MALT1: variants seen among roughly 807,000 people sequenced by gnomAD.
MALT1 encodes the protein MALT1 paracaspase, also known as mucosa-associated lymphoid tissue lymphoma translocation protein 1.
In MALT1, 36 loss-of-function variants were observed where a neutral mutation model predicts 85.5. That is an observed-to-expected ratio of 0.42 (90% CI 0.32 to 0.56). The LOEUF (loss-of-function observed/expected upper bound fraction) is 0.56. MALT1 is among the 20% of genes least tolerant of loss of function. MALT1 has a pLI of 0.10. For missense variants in MALT1, 716 were observed against 981.6 expected, an observed-to-expected ratio of 0.73 and a Z score of 3.62; for synonymous variants, 359 against 361.3, an observed-to-expected ratio of 0.99 and a Z score of 0.07.
intron 16 of MALT1, among the ~76,000 whole-genome samples, chr18:58,746,320 C>T (rs567964493): frequency 6.6e-6 from 1 of 152,304 alleles, no homozygotes; most frequent in East Asian, 1.9e-4. Flanking sequence ...CTCCCAGCTC[C>T]ATATTCTACT....
intron 2 of MALT1, chr18:58,690,513 G>T (rs78625980): frequency 0.016 from 2,693 of 172,978 alleles, 45 homozygotes; most frequent in South Asian, 0.062. Flanking sequence ...GAGATCCCTG[G>T]ACCGGAGCCC....
chr18:58,686,706 G>A (rs1030765738), intron 2 of MALT1, among the ~76,000 whole-genome samples: 4 of 151,856 alleles, frequency 2.6e-5, no homozygotes, highest in Non-Finnish European at 4.4e-5. Context: ...TCTCAGATCC[G>A]TTGTAACATA....
At chr18:58,721,344 C>T (rs1009170321) in intron 9 of MALT1, among the ~76,000 whole-genome samples, 1 of 152,192 alleles carries the variant, frequency 6.6e-6, no homozygotes, top group Admixed American at 6.5e-5. Flanking sequence ...CATGCCATTG[C>T]ACTCCAGCCT....
rs1405642569 is a variant in MALT1 at position 58,747,779 on chromosome 18, A to G, written c.2412A>G (p.Pro804=). 5 of 1,614,186 alleles carry G rather than the reference A, an allele frequency of 3.1e-6. No individual in the cohort carries two copies. Among genetic ancestry groups the G allele is most frequent in the Non-Finnish European group, 4.2e-6 (5 of 1,179,984 alleles). The change falls in exon 17 of 17, where the codon CCA becomes CCG. Residue 804 remains proline (P), a synonymous_variant. Coordinates refer to ENST00000649217, the MANE Select transcript of MALT1 (RefSeq NM_006785.4). ...GTCATTTTAGTAGAAGTAATGTGCC[A>G]GTAGAGACAACTGATGAAATACCAT... ...ASCHFSRSNV[P]VETTDEIPFS...
chr18:58,699,868 C>G (rs1460205328), intron 3 of MALT1, among the ~76,000 whole-genome samples: 1 of 152,228 alleles, frequency 6.6e-6, no homozygotes. Flanking sequence ...GTCTTACTGT[C>G]TCATTGATAT....
chr18:58,747,962 T>C lies in MALT1; in HGVS notation c.*120T>C. The C allele has an allele frequency of 1.4e-6, 1 of 704,068 alleles. No homozygotes were observed. The highest frequency in any genetic ancestry group is 2.5e-5 in the East Asian group (1 of 39,256). 43.6% of individuals were successfully genotyped at this position (704,068 alleles called of 1,614,324 possible). A position where few individuals can be genotyped will look rare whatever the true frequency, so the allele number is the denominator to read the frequency against. On this transcript the variant is annotated 3_prime_UTR_variant, in exon 17 of 17. Transcript: ENST00000649217. Reference sequence around the variant, plus strand: ...TATGTAGAGAAAGAATAGTAGTAACTGTTTCATAGCAAACTTCAGGACTTT... The same window carrying C: ...TATGTAGAGAAAGAATAGTAGTAACCGTTTCATAGCAAACTTCAGGACTTT...
At chr18:58,720,029 A>G (rs1361943523) in intron 9 of MALT1, among the ~76,000 whole-genome samples, 2 of 152,236 alleles carry the variant, frequency 1.3e-5, no homozygotes, top group Non-Finnish European at 2.9e-5. Context: ...TTTGAAGAAT[A>G]TATTACATTA....
At chr18:58,742,945 T>C (rs2055321910) in intron 14 of MALT1, among the ~76,000 whole-genome samples, 1 of 152,200 alleles carries the variant, frequency 6.6e-6, no homozygotes, top group African/African-American at 2.4e-5. Flanking sequence ...AATGAAAAAA[T>C]AAGTTTAAAT....
At chr18:58,689,441 G>A (rs986551142) in intron 2 of MALT1, among the ~76,000 whole-genome samples, 2 of 152,194 alleles carry the variant, frequency 1.3e-5, no homozygotes, top group African/African-American at 4.8e-5. Context: ...ACTTGCTGCT[G>A]TAGTAATTTC....
chr18:58,742,045 A>C, intron 14 of MALT1, 31 bp downstream of exon 14: 1 of 1,434,332 alleles, frequency 7.0e-7, no homozygotes, highest in Non-Finnish European at 9.4e-7. Flanking sequence ...TGTTAGATCT[A>C]CAATATACTT....
intron 2 of MALT1, among the ~76,000 whole-genome samples, chr18:58,685,916 T>A (rs1375453439): frequency 1.3e-5 from 2 of 152,186 alleles, no homozygotes; most frequent in Admixed American, 1.3e-4. Context: ...TGTAATGATT[T>A]TTTTTTTTAG....
chr18:58,718,811 C>G (rs1602318511), intron 9 of MALT1, among the ~76,000 whole-genome samples: 2 of 151,978 alleles, frequency 1.3e-5, no homozygotes, highest in South Asian at 4.1e-4. Context: ...TCAGATTAGT[C>G]GAGGAGAGTT....
At chr18:58,741,077 C>A (rs565517212) in intron 13 of MALT1, among the ~76,000 whole-genome samples, 1 of 152,188 alleles carries the variant, frequency 6.6e-6, no homozygotes, top group East Asian at 1.9e-4. Context: ...CTTTTACTTT[C>A]CTACTCTTAA....
In MALT1 at chr18:58,709,406, G is replaced by T. The variant is rs1192402517; in HGVS notation, c.678G>T (p.Lys226Asn). The T allele has an allele frequency of 2.5e-6, 4 of 1,595,952 alleles. No homozygotes were observed. Among genetic ancestry groups the T allele is most frequent in the Non-Finnish European group, 3.4e-6 (4 of 1,172,002 alleles). The change falls in exon 5 of 17, where the codon AAG (lysine) becomes AAT (asparagine). Residue 226 changes from lysine to asparagine, a missense_variant. This residue lies in a region of MALT1 where 290 missense variants were observed against 380.5 expected (regional missense o/e 0.76). Coordinates refer to ENST00000649217, the MANE Select transcript of MALT1 (RefSeq NM_006785.4). Reference sequence around the variant, plus strand: ...GTGTTGATGGCGTCTCTGAATCCAAGTTGCAAATCTGTGTTGAACCAACTT... The same window carrying T: ...GTGTTGATGGCGTCTCTGAATCCAATTTGCAAATCTGTGTTGAACCAACTT... ...QRSVDGVSES[K>N]LQICVEPTSQ...
intron 1 of MALT1, among the ~76,000 whole-genome samples, chr18:58,679,195 G>T (rs2054283772): frequency 6.6e-6 from 1 of 152,032 alleles, no homozygotes; most frequent in South Asian, 2.1e-4. Context: ...TTTCTAATCT[G>T]GTATACCACT....
chr18:58,682,623 A>G (rs969854614), intron 2 of MALT1, among the ~76,000 whole-genome samples: 1 of 152,158 alleles, frequency 6.6e-6, no homozygotes, highest in Non-Finnish European at 1.5e-5. Flanking sequence ...TGCCAAGGAG[A>G]TGGAATGTGC....
At chr18:58,711,800 C>T (rs1264365602) in intron 7 of MALT1, among the ~76,000 whole-genome samples, 2 of 152,112 alleles carry the variant, frequency 1.3e-5, no homozygotes, top group African/African-American at 4.8e-5. Context: ...TATAGTATCA[C>T]TCTGAAATAC....
chr18:58,727,893 G>T (rs1158087516), intron 10 of MALT1, among the ~76,000 whole-genome samples: 1 of 152,080 alleles, frequency 6.6e-6, no homozygotes, highest in Non-Finnish European at 1.5e-5. Flanking sequence ...GTAAAAGAGG[G>T]ATGTTAATAT....
chr18:58,747,624 T>C lies in MALT1; in HGVS notation c.2257T>C (p.Leu753=). The change falls in exon 17 of 17, where the codon TTG becomes CTG. Residue 753 remains leucine, a synonymous_variant. Transcript: ENST00000649217. ...TSGGAGHYHS[L]QDPFHGVYHS... Reference sequence around the variant, plus strand: ...AGGAGGAGCAGGGCATTATCACTCATTGCAAGACCCATTCCATGGTGTTTA... The same window carrying C: ...AGGAGGAGCAGGGCATTATCACTCACTGCAAGACCCATTCCATGGTGTTTA... 6.2e-7 allele frequency: 1 copy of C among 1,614,206 alleles called. No individual in the cohort carries two copies. The highest frequency in any genetic ancestry group is 2.2e-5 in the East Asian group (1 of 44,884).
Sources: allele counts gnomAD v4.1 joint callset (sites outside exome capture counted in the v4.1 genomes callset), GRCh38; gene constraint gnomAD v4.1.1; regional missense constraint gnomAD v4.1.1; transcripts MANE v1.5; gene names NCBI Gene and HGNC (gene_info 2026-07-23, HGNC 2026-07-21).